Variants in HK1 observed in about 807,000 individuals in gnomAD.
The protein encoded by HK1 is hexokinase-1.
In HK1, 28 loss-of-function variants were observed where a neutral mutation model predicts 91.6. That is an observed-to-expected ratio of 0.31 (90% confidence interval 0.23 to 0.42). The LOEUF is 0.42. Among genes scored for constraint, HK1 ranks in the 10% least tolerant of loss-of-function variants. The pLI is 1.00. For missense variants in HK1, 770 were observed against 1,219.8 expected, an observed-to-expected ratio of 0.63 and a Z score of 5.49; for synonymous variants, 430 against 468.1, an observed-to-expected ratio of 0.92 and a Z score of 1.05.
At chr10:69,386,505 C>G in intron 13 of HK1, 87 bp downstream of exon 13, 3 of 1,094,152 alleles carry the variant, frequency 2.7e-6, no homozygotes, top group Non-Finnish European at 4.1e-6. Flanking sequence ...GAATTCAGGC[C>G]AGGCGTGGTG....
intron 1 of HK1, among the ~76,000 whole-genome samples, chr10:69,321,694 G>A (rs1462750596): frequency 6.6e-6 from 1 of 152,224 alleles, no homozygotes; most frequent in Non-Finnish European, 1.5e-5. Context: ...TGAAAATGGT[G>A]TCATTTCTTT....
upstream of HK1, among the ~76,000 whole-genome samples, chr10:69,313,340 G>A (rs1171399179): frequency 6.6e-6 from 1 of 152,182 alleles, no homozygotes; most frequent in Admixed American, 6.5e-5. Context: ...GCATATGCGG[G>A]GAAGGCGCTG....
Position 69,377,076 on chromosome 10 carries a change from T to C in HK1, c.1018T>C (p.Ser340Pro), listed in dbSNP as rs1413010045. ...AGGGAAGTTTAACACCAGTGATGTGTCAGCCATCGAAAAGTAGGTACCATC... is the reference window on the plus strand; with the variant it reads ...AGGGAAGTTTAACACCAGTGATGTGCCAGCCATCGAAAAGTAGGTACCATC... ...TRGKFNTSDVSAIEKNKEGLH... is the reference protein window; with the variant it reads ...TRGKFNTSDVPAIEKNKEGLH... Residue 340 changes from serine (S) to proline (P), a missense_variant, in exon 8 of 18, where the codon TCA (serine) becomes CCA (proline). By Grantham distance (74) the Ser-to-Pro change is moderately conservative. Coordinates refer to ENST00000359426, the MANE Select transcript of HK1 (RefSeq NM_000188.3). 1 of 1,614,170 alleles carries C rather than the reference T, an allele frequency of 6.2e-7. No individual in the cohort carries two copies. Among genetic ancestry groups the C allele is most frequent in the Non-Finnish European group, 8.5e-7 (1 of 1,180,016 alleles).
At chr10:69,353,849 C>G (rs948119174) in intron 2 of HK1, among the ~76,000 whole-genome samples, 7 of 151,944 alleles carry the variant, frequency 4.6e-5, no homozygotes, top group African/African-American at 1.7e-4. Context: ...AGTGTTTTTT[C>G]TGGGTCTGTG....
intron 16 of HK1, among the ~76,000 whole-genome samples, chr10:69,396,718 G>C (rs1840159805): frequency 6.6e-6 from 1 of 152,086 alleles, no homozygotes; most frequent in South Asian, 2.1e-4. Context: ...TTTCACTCTT[G>C]TTGGCCAGGC....
At chr10:69,338,612 T>A in intron 1 of HK1, 2 of 1,288,934 alleles carry the variant, frequency 1.6e-6, no homozygotes, top group Non-Finnish European at 2.0e-6. Flanking sequence ...GATGTTTGGC[T>A]GGAGCAGTAA....
chr10:69,374,368 C>T (rs1243352789), intron 7 of HK1, among the ~76,000 whole-genome samples: 2 of 152,208 alleles, frequency 1.3e-5, no homozygotes, highest in African/African-American at 2.4e-5. Flanking sequence ...TTGGTTGGAA[C>T]GCTGCCACGC....
rs1227896642 is a variant in HK1 at position 69,343,893 on chromosome 10, A to G, written c.130A>G (p.Arg44Gly). Reference sequence around the variant, plus strand: ...TCTCATAGATATCATGACTCGCTTCAGGAAGGAGATGAAGAATGGCCTCTC... The same window carrying G: ...TCTCATAGATATCATGACTCGCTTCGGGAAGGAGATGAAGAATGGCCTCTC... Reference protein sequence around the residue: ...ETLIDIMTRFRKEMKNGLSRD... With the variant: ...ETLIDIMTRFGKEMKNGLSRD... The change falls in exon 2 of 18, where the codon AGG (arginine) becomes GGG (glycine). Residue 44 changes from arginine (R) to glycine (G), a missense_variant. Arg to Gly is a moderately radical substitution (Grantham distance 125, BLOSUM62 -2). Transcript: ENST00000359426. 1 of 1,614,050 alleles carries G rather than the reference A, an allele frequency of 6.2e-7. No homozygotes were observed. The highest frequency in any genetic ancestry group is 1.7e-5 in the Admixed American group (1 of 60,010).
At chr10:69,335,180 G>T (rs1847916107) in intron 1 of HK1, among the ~76,000 whole-genome samples, 1 of 152,204 alleles carries the variant, frequency 6.6e-6, no homozygotes, top group African/African-American at 2.4e-5. Context: ...CACTACTGAG[G>T]TGGGGCTGGG....
At chr10:69,319,534 G>A (rs190945178) in intron 1 of HK1, among the ~76,000 whole-genome samples, 3 of 152,264 alleles carry the variant, frequency 2.0e-5, no homozygotes, top group African/African-American at 7.2e-5. Context: ...ATCTGAGGAC[G>A]AGGTGACCCG....
chr10:69,279,212 T>C (rs1479741058), intron 1 of HK1, among the ~76,000 whole-genome samples: 1 of 152,188 alleles, frequency 6.6e-6, no homozygotes, highest in East Asian at 1.9e-4. Context: ...GTTGTATTTC[T>C]TCCTGGGCTT....
At chr10:69,364,945 G>C in intron 4 of HK1, 43 bp downstream of exon 4, 17 of 1,612,640 alleles carry the variant, frequency 1.1e-5, no homozygotes, top group Non-Finnish European at 1.4e-5. Flanking sequence ...GATGCCCCGG[G>C]ATGGAAAAGC....
At position 69,380,930 on chromosome 10, in the gene HK1, T is replaced by C. The variant is rs1839355507; in HGVS notation, c.1265+835T>C. 1.3e-5 allele frequency among the ~76,000 whole-genome samples: 2 copies of C among 152,352 alleles called. No homozygotes were observed. Among genetic ancestry groups the C allele is most frequent in the South Asian group, 4.1e-4 (2 of 4,830 alleles). ...TTTCCCACTGTACATATAAATACAATGTGCATGTGAAGCACCCATGTCAGT... is the reference window on the plus strand; with the variant it reads ...TTTCCCACTGTACATATAAATACAACGTGCATGTGAAGCACCCATGTCAGT... On this transcript the variant is annotated intron_variant, in intron 9 of 17. Transcript: ENST00000359426. This position sits in a 1 kb window ranked among gnomAD's most constrained non-coding sequence, Gnocchi z 4.0.
chr10:69,383,139 C>G (rs1839475258), intron 10 of HK1, among the ~76,000 whole-genome samples: 1 of 152,048 alleles, frequency 6.6e-6, no homozygotes, highest in Non-Finnish European at 1.5e-5. Flanking sequence ...GAGTTCAAGA[C>G]CAGTCTGGGC....
At chr10:69,361,401 C>T (rs1395275629) in intron 3 of HK1, among the ~76,000 whole-genome samples, 3 of 152,266 alleles carry the variant, frequency 2.0e-5, no homozygotes, top group African/African-American at 7.2e-5. Context: ...TGCATTGCTT[C>T]TCCTTGCAGG....
Position 69,389,507 on chromosome 10 carries a change from A to G in HK1, c.2035+211A>G, listed in dbSNP as rs1589580956. The G allele has an allele frequency of 2.4e-5, 15 of 620,066 alleles. No individual in the cohort carries two copies. The East Asian group carries it at 4.7e-4, about 19-fold the overall frequency. 38.4% of individuals were successfully genotyped at this position (620,066 alleles called of 1,614,324 possible). On this transcript the variant is annotated intron_variant, in intron 14 of 17. Coordinates refer to ENST00000359426, the MANE Select transcript of HK1 (RefSeq NM_000188.3). ...GGGGGCCTTTCTTAAGACACCCATA[A>G]TGCTACACATTGCTTATGATCAGAC...
intron 4 of HK1, among the ~76,000 whole-genome samples, chr10:69,367,712 C>T (rs545821562): frequency 1.3e-5 from 2 of 152,114 alleles, no homozygotes; most frequent in East Asian, 1.9e-4. Context: ...TGCAGGCCTG[C>T]GGGGCCTGGA....
chr10:69,397,145 T>TTG (rs148373895), intron 16 of HK1, among the ~76,000 whole-genome samples: 27 of 151,644 alleles, frequency 1.8e-4, no homozygotes, highest in African/African-American at 4.8e-4. Context: ...TCCTTTCAGT[T>TTG]TGTGTGTGTG....
intron 14 of HK1, among the ~76,000 whole-genome samples, chr10:69,391,802 C>G (rs1839908546): frequency 6.6e-6 from 1 of 152,046 alleles, no homozygotes; most frequent in Non-Finnish European, 1.5e-5. Context: ...TGAATGTTGC[C>G]TAAACCTCTA....
Sources: allele counts gnomAD v4.1 joint callset (sites outside exome capture counted in the v4.1 genomes callset), GRCh38; gene constraint gnomAD v4.1.1; non-coding constraint Gnocchi (gnomAD v3.1); transcripts MANE v1.5; gene names NCBI Gene and HGNC (gene_info 2026-07-23, HGNC 2026-07-21).